The following RNGTT variants were observed in gnomAD, a reference collection of about 807,000 sequenced individuals.
The protein encoded by RNGTT is mRNA-capping enzyme.
Under a neutral mutation model 79.3 loss-of-function variants are expected in RNGTT, and 33 were observed. That is an observed-to-expected ratio of 0.42 (90% CI 0.32 to 0.56). The LOEUF (loss-of-function observed/expected upper bound fraction) is 0.56. Among genes scored for constraint, RNGTT ranks in the 20% least tolerant of loss-of-function variants. RNGTT has a pLI of 0.17. For missense variants in RNGTT, 497 were observed against 739.1 expected, an observed-to-expected ratio of 0.67 and a Z score of 3.80; for synonymous variants, 222 against 235.9, an observed-to-expected ratio of 0.94 and a Z score of 0.54.
intron 1 of RNGTT, among the ~76,000 whole-genome samples, chr6:88,963,010 T>C (rs1478026285): frequency 4.6e-5 from 7 of 152,188 alleles, no homozygotes; most frequent in Admixed American, 4.6e-4. Flanking sequence ...ATCCCTTCTT[T>C]CGAGGGGAAG....
chr6:88,905,395 G>A (rs1783619840), intron 5 of RNGTT, among the ~76,000 whole-genome samples: 1 of 152,204 alleles, frequency 6.6e-6, no homozygotes, highest in Admixed American at 6.5e-5. Context: ...TCTGACATAG[G>A]AAACTGAGAT....
chr6:88,667,410 G>A (rs1774458376), intron 14 of RNGTT, among the ~76,000 whole-genome samples: 1 of 152,214 alleles, frequency 6.6e-6, no homozygotes, highest in African/African-American at 2.4e-5. Flanking sequence ...TGCCAAAACA[G>A]TAACAGCAAT....
intron 4 of RNGTT, 85 bp downstream of exon 4, chr6:88,928,900 C>G: frequency 1.0e-6 from 1 of 966,052 alleles, no homozygotes; most frequent in East Asian, 2.5e-5. Context: ...AAAAAACTTT[C>G]ATATCAACTT....
At chr6:88,664,659 C>T (rs2756394) in intron 14 of RNGTT, among the ~76,000 whole-genome samples, 40,600 of 151,996 alleles carry the variant, frequency 0.27, 9,521 homozygotes, top group African/African-American at 0.64. Flanking sequence ...TGTAAAGAGA[C>T]AGGACATTGG....
chr6:88,922,241 T>C (rs1784185514), intron 4 of RNGTT, among the ~76,000 whole-genome samples: 1 of 151,824 alleles, frequency 6.6e-6, no homozygotes, highest in Non-Finnish European at 1.5e-5. Flanking sequence ...AATAACTGTA[T>C]TATAAATATA....
chr6:88,687,710 T>A (rs1280552628), intron 13 of RNGTT, among the ~76,000 whole-genome samples: 1 of 134,824 alleles, frequency 7.4e-6, no homozygotes, highest in East Asian at 1.9e-4. Flanking sequence ...TATCCTTTGG[T>A]AAAGAAAAAG....
At chr6:88,694,866 T>C (rs535762822) in intron 13 of RNGTT, among the ~76,000 whole-genome samples, 4 of 152,230 alleles carry the variant, frequency 2.6e-5, no homozygotes, top group African/African-American at 9.6e-5. Context: ...CACCACAGCA[T>C]GGCCCAGCAC....
chr6:88,701,365 T>C (rs1341554494), intron 13 of RNGTT, among the ~76,000 whole-genome samples: 1 of 152,066 alleles, frequency 6.6e-6, no homozygotes, highest in African/African-American at 2.4e-5. Context: ...TTAAGTTTCC[T>C]GAGTAGTTAG....
Position 88,769,823 on chromosome 6 carries a change from G to A in RNGTT, c.1390C>T (p.Leu464=), listed in dbSNP as rs751785400. The A allele has an allele frequency of 6.2e-7, 1 of 1,612,506 alleles. No homozygotes were observed. The highest frequency in any genetic ancestry group is 2.2e-5 in the East Asian group (1 of 44,728). ...TTTAGACGAAAATCCACAGAATTCA[G>A]ACTGGGAGGCTTCCATTTCAAAATA... The part of the protein sequence containing the change: ...DDILKWKPPS[L]NSVDFRLKIT... The change falls in exon 13 of 16, where the codon CTG becomes TTG. Residue 464 remains leucine, a synonymous_variant. Transcript: ENST00000369485.
In RNGTT at chr6:88,681,806, T is replaced by C. The variant is rs113339049; in HGVS notation, c.1440-3387A>G. 6.8e-3 allele frequency among the ~76,000 whole-genome samples: 1,040 copies of C among 152,272 alleles called. 6 individuals are homozygous for C. Among genetic ancestry groups the C allele is most frequent in the African/African-American group, 0.023 (946 of 41,540 alleles). On this transcript the variant is annotated intron_variant, in intron 13 of 15. Transcript: ENST00000369485. Reference sequence around the variant, plus strand: ...AAGTTAGGCGAACATTACCATAACCTTTATACAAATGCTAACAACTGTAAG... The same window carrying C: ...AAGTTAGGCGAACATTACCATAACCCTTATACAAATGCTAACAACTGTAAG...
chr6:88,781,109 G>A lies in RNGTT; in HGVS notation c.1339-11235C>T, dbSNP rs114703833. Reference sequence around the variant, plus strand: ...GGTGCCAAGGCTGAGAAAACCTGATGTAAATGAAGCTAGCATTAGTAACGG... The same window carrying A: ...GGTGCCAAGGCTGAGAAAACCTGATATAAATGAAGCTAGCATTAGTAACGG... On this transcript the variant is annotated intron_variant, in intron 12 of 15. Coordinates refer to ENST00000369485, the MANE Select transcript of RNGTT (RefSeq NM_003800.5). 5.7e-3 allele frequency among the ~76,000 whole-genome samples: 862 copies of A among 152,298 alleles called. 5 individuals are homozygous for A. Among genetic ancestry groups the A allele is most frequent in the African/African-American group, 0.02 (839 of 41,564 alleles).
intron 12 of RNGTT, among the ~76,000 whole-genome samples, chr6:88,789,184 C>G (rs1332155707): frequency 6.6e-6 from 1 of 152,182 alleles, no homozygotes; most frequent in Admixed American, 6.5e-5. Context: ...CTTTAGGAGG[C>G]TGAGGCGGGT....
chr6:88,690,174 A>T (rs1775429041), intron 13 of RNGTT, among the ~76,000 whole-genome samples: 1 of 152,210 alleles, frequency 6.6e-6, no homozygotes, highest in Admixed American at 6.5e-5. Flanking sequence ...AATGTAATAT[A>T]GGATCTTAGA....
chr6:88,879,120 G>A (rs1186683100), intron 8 of RNGTT, among the ~76,000 whole-genome samples: 1 of 152,212 alleles, frequency 6.6e-6, no homozygotes, highest in Non-Finnish European at 1.5e-5. Context: ...TTAGAGACCA[G>A]GCGCGGTGGC....
At chr6:88,881,187 C>G (rs1475207975) in intron 8 of RNGTT, among the ~76,000 whole-genome samples, 5 of 152,086 alleles carry the variant, frequency 3.3e-5, no homozygotes, top group African/African-American at 1.2e-4. Flanking sequence ...TATTTGGCAG[C>G]TTTCAACAAA....
chr6:88,705,451 C>T (rs887626444), intron 13 of RNGTT, among the ~76,000 whole-genome samples: 1 of 152,034 alleles, frequency 6.6e-6, no homozygotes, highest in Non-Finnish European at 1.5e-5. Flanking sequence ...CCAAAACTGA[C>T]AGCTAAAGTT....
At chr6:88,625,596 G>A (rs1269232275) in intron 14 of RNGTT, among the ~76,000 whole-genome samples, 1 of 151,974 alleles carries the variant, frequency 6.6e-6, no homozygotes, top group East Asian at 1.9e-4. Context: ...CAAAGGGGTT[G>A]TCATGTGGGG....
At position 88,694,105 on chromosome 6, in the gene RNGTT, A is replaced by G. The variant is rs151046949; in HGVS notation, c.1440-15686T>C. On this transcript the variant is annotated intron_variant, in intron 13 of 15. Transcript: ENST00000369485. The stretch of plus-strand genomic sequence containing the variant: ...AGTACTGGAAGTCCTTGCTGGAGCA[A>G]GTAGGCAAGAGAAAGAAAGAAAAGG... 2.0e-5 allele frequency among the ~76,000 whole-genome samples: 3 copies of G among 152,314 alleles called. No homozygotes were observed. In the East Asian group the frequency reaches 5.8e-4, roughly 29 times the overall value.
chr6:88,862,902 T>C (rs1782058639), intron 8 of RNGTT, among the ~76,000 whole-genome samples: 1 of 152,234 alleles, frequency 6.6e-6, no homozygotes, highest in African/African-American at 2.4e-5. Flanking sequence ...TAAGAGATTC[T>C]AACCCTACAG....
Sources: gnomAD v4.1 joint callset for allele counts (sites outside exome capture counted in the v4.1 genomes callset) on GRCh38, gnomAD v4.1.1 for gene constraint, MANE v1.5 for transcripts, NCBI Gene and HGNC (gene_info 2026-07-23, HGNC 2026-07-21) for gene names.